Variants in RALGAPA1 observed in about 807,000 individuals in gnomAD.
The protein encoded by RALGAPA1 is ral GTPase-activating protein subunit alpha-1.
A neutral mutation model predicts 269.6 loss-of-function variants in RALGAPA1; 52 were observed. The ratio of observed to expected loss-of-function variants is 0.19; its 90% CI spans 0.15 to 0.24. The LOEUF is 0.24. Among genes scored for constraint, RALGAPA1 ranks in the 10% least tolerant of loss-of-function variants. RALGAPA1 has a pLI of 1.00. For synonymous variants in RALGAPA1, 817 were observed against 1,008.3 expected, an observed-to-expected ratio of 0.81 and a Z score of 3.60; for missense variants, 1,917 against 3,013.9, an observed-to-expected ratio of 0.64 and a Z score of 8.52.
At chr14:35,736,404 G>A (rs1350500997) in intron 12 of RALGAPA1, among the ~76,000 whole-genome samples, 1 of 152,154 alleles carries the variant, frequency 6.6e-6, no homozygotes, top group Non-Finnish European at 1.5e-5. Context: ...AAAATCTGAA[G>A]CTGTAGCATA....
chr14:35,793,628 T>A (rs868477420), intron 1 of RALGAPA1, among the ~76,000 whole-genome samples: 97 of 152,044 alleles, frequency 6.4e-4, no homozygotes, highest in Middle Eastern at 6.8e-3. Context: ...AATTTAGAAT[T>A]AAAAAAATGT....
At position 35,625,354 on chromosome 14, in the gene RALGAPA1, A is replaced by C; in HGVS notation, c.6929+7T>G. ...GCTAGTTATGTGAAGATTTTCCAAC[A>C]ACTTACCACTGCCTTGAATCCAAGT... On this transcript the variant is annotated splice_region_variant and intron_variant, in intron 35 of 41. Transcript: ENST00000680220. The C allele has an allele frequency of 6.2e-7, 1 of 1,602,144 alleles. No homozygotes were observed.
intron 41 of RALGAPA1, 103 bp from the exon 42 acceptor site, chr14:35,539,793 A>G: frequency 6.0e-6 from 9 of 1,503,014 alleles, no homozygotes; most frequent in South Asian, 1.3e-5. Context: ...ATCCCTTAAT[A>G]AGATCTTTCG....
intron 36 of RALGAPA1, among the ~76,000 whole-genome samples, chr14:35,596,922 T>C (rs893873786): frequency 9.8e-5 from 15 of 152,304 alleles, no homozygotes; most frequent in African/African-American, 3.6e-4. Context: ...AGTACATGCA[T>C]ATAAAACATT....
At chr14:35,654,134 G>T (rs1045771184) in intron 30 of RALGAPA1, among the ~76,000 whole-genome samples, 50 of 152,132 alleles carry the variant, frequency 3.3e-4, no homozygotes, top group Non-Finnish European at 7.4e-5. Flanking sequence ...CACCAGGCTG[G>T]CCTAATAAAT....
intron 14 of RALGAPA1, 67 bp from the exon 15 acceptor site, chr14:35,723,331 C>G (rs931166764): frequency 3.5e-6 from 3 of 856,308 alleles, no homozygotes; most frequent in Non-Finnish European, 5.4e-6. Context: ...ATCAGACATT[C>G]AATTCTTAAA....
chr14:35,752,043 A>T lies in RALGAPA1; in HGVS notation c.783T>A (p.Ser261Arg). ...YIFPNICKEN[S>R]LYHPILDIPQ... Reference sequence around the variant, plus strand: ...ACCTACCAAGTATAGGATGATATAAACTGTTTTCCTTACAGATGTTTGGAA... The same window carrying T: ...ACCTACCAAGTATAGGATGATATAATCTGTTTTCCTTACAGATGTTTGGAA... Residue 261 changes from serine (S) to arginine (R), a missense_variant, in exon 8 of 42, where the codon AGT becomes AGA. Ser to Arg is a moderately radical substitution (Grantham distance 110). Around this residue, in one of 11 missense-constraint regions of RALGAPA1, gnomAD observed 462 missense variants for 725.6 expected, o/e 0.64. Coordinates refer to ENST00000680220, the MANE Select transcript of RALGAPA1 (RefSeq NM_001346249.2). The T allele has an allele frequency of 6.3e-7, 1 of 1,582,664 alleles. No individual in the cohort carries two copies. Among genetic ancestry groups the T allele is most frequent in the Non-Finnish European group, 8.5e-7 (1 of 1,169,632 alleles).
chr14:35,795,690 G>A (rs2076507481), intron 1 of RALGAPA1, among the ~76,000 whole-genome samples: 1 of 151,752 alleles, frequency 6.6e-6, no homozygotes, highest in Admixed American at 6.6e-5. Context: ...AGAATTTATA[G>A]GTGGCCACAC....
At chr14:35,776,966 G>A (rs2075081319) in intron 1 of RALGAPA1, among the ~76,000 whole-genome samples, 1 of 151,892 alleles carries the variant, frequency 6.6e-6, no homozygotes, top group Non-Finnish European at 1.5e-5. Flanking sequence ...CCAGATTGGA[G>A]AACTGTAGTT....
intron 37 of RALGAPA1, among the ~76,000 whole-genome samples, chr14:35,591,288 C>CTATGTATGTATG (rs371005322): frequency 3.7e-4 from 55 of 150,056 alleles, no homozygotes; most frequent in African/African-American, 7.7e-4. Flanking sequence ...ATTTTAAGTG[C>CTATGTATGTATG]TATGTATGTA....
Position 35,767,738 on chromosome 14 carries a change from C to A in RALGAPA1, c.325+3204G>T, listed in dbSNP as rs923619632. Among the ~76,000 whole-genome samples the A allele has an allele frequency of 1.2e-4, 19 of 152,004 alleles. 1 individual carries two copies. The highest frequency in any genetic ancestry group is 8.5e-4 in the Admixed American group (13 of 15,244). On this transcript the variant is annotated intron_variant, in intron 4 of 41. Coordinates refer to ENST00000680220, the MANE Select transcript of RALGAPA1 (RefSeq NM_001346249.2). Reference sequence around the variant, plus strand: ...CCTAGAAACAGAAGAGTAAATTAAACCCAAAGGAAGCAGAATTTCTCTCTT... The same window carrying A: ...CCTAGAAACAGAAGAGTAAATTAAAACCAAAGGAAGCAGAATTTCTCTCTT...
chr14:35,731,359 G>A lies in RALGAPA1; in HGVS notation c.1588-2849C>T, dbSNP rs111308626. Among the ~76,000 whole-genome samples the A allele has an allele frequency of 4.7e-4, 72 of 152,056 alleles. 2 individuals are homozygous for A. Among genetic ancestry groups the A allele is most frequent in the African/African-American group, 1.5e-3 (61 of 41,524 alleles). Reference sequence around the variant, plus strand: ...ACCCCCAAGAATCACATTAGCTCACGAGCAATGGATCCAAACCAGGAATAA... The same window carrying A: ...ACCCCCAAGAATCACATTAGCTCACAAGCAATGGATCCAAACCAGGAATAA... On this transcript the variant is annotated intron_variant, in intron 12 of 41. Coordinates refer to ENST00000680220, the MANE Select transcript of RALGAPA1 (RefSeq NM_001346249.2).
At chr14:35,802,269 C>T (rs1310007981) in intron 1 of RALGAPA1, among the ~76,000 whole-genome samples, 7 of 152,124 alleles carry the variant, frequency 4.6e-5, no homozygotes, top group Non-Finnish European at 8.8e-5. Flanking sequence ...GATCATGCCA[C>T]TGCACTCCAG....
Position 35,760,949 on chromosome 14 carries a change from A to G in RALGAPA1, c.427T>C (p.Cys143Arg). 2 of 1,611,440 alleles carry G rather than the reference A, an allele frequency of 1.2e-6. No individual in the cohort carries two copies. Among genetic ancestry groups the G allele is most frequent in the Non-Finnish European group, 1.7e-6 (2 of 1,178,074 alleles). Residue 143 changes from cysteine to arginine, a missense_variant, in exon 6 of 42, where the codon TGT becomes CGT. Transcript: ENST00000680220. ...AACATCCAGAGCTGTTCTTTGCTAC[A>G]GTTATTCTGAAGAGCTTGCAACCAT... ...LLWLQALQNN[C>R]SKEQLWMFSC...
chr14:35,538,737 TTTC>T lies in RALGAPA1; in HGVS notation c.*974_*976del, dbSNP rs2053722478. On this transcript the variant is annotated 3_prime_UTR_variant, in exon 42 of 42. Coordinates refer to ENST00000680220, the MANE Select transcript of RALGAPA1 (RefSeq NM_001346249.2). ...ATTTATATCAGAAAATTTTCCTTCT[TTTC>T]TTCCCCATCTTCTTTTTGGTGCTTA... 6.6e-6 allele frequency: 1 copy of T among 151,724 alleles called. No individual in the cohort carries two copies. Among genetic ancestry groups the T allele is most frequent in the Non-Finnish European group, 1.5e-5 (1 of 67,968 alleles). The allele number at this position is 151,724 out of a possible 1,614,324, so 9.4% of individuals were successfully genotyped here. A position where few individuals can be genotyped will look rare whatever the true frequency, so the allele number is the denominator to read the frequency against.
intron 14 of RALGAPA1, 178 bp from the exon 15 acceptor site, chr14:35,723,442 A>G (rs989696736): frequency 4.4e-6 from 2 of 456,992 alleles, no homozygotes; most frequent in African/African-American, 4.0e-5. Flanking sequence ...ATCTACTATA[A>G]ATTTCATTTC....
At chr14:35,591,593 T>C (rs1252605074) in intron 37 of RALGAPA1, among the ~76,000 whole-genome samples, 8 of 152,172 alleles carry the variant, frequency 5.3e-5, no homozygotes, top group African/African-American at 1.9e-4. Context: ...ATTACAGGCA[T>C]AAGCAAGCCA....
At chr14:35,679,379 C>T (rs1175926545) in intron 21 of RALGAPA1, among the ~76,000 whole-genome samples, 1 of 152,228 alleles carries the variant, frequency 6.6e-6, no homozygotes, top group Admixed American at 6.5e-5. Context: ...AAGAAACTCA[C>T]TGTAAATTGA....
chr14:35,731,324 G>C (rs1414832194), intron 12 of RALGAPA1, among the ~76,000 whole-genome samples: 1 of 152,024 alleles, frequency 6.6e-6, no homozygotes, highest in East Asian at 1.9e-4. Context: ...ACAAAACAAG[G>C]CTCTTTAACA....
Sources: allele counts gnomAD v4.1 joint callset (sites outside exome capture counted in the v4.1 genomes callset), GRCh38; gene constraint gnomAD v4.1.1; regional missense constraint gnomAD v4.1.1; transcripts MANE v1.5; gene names NCBI Gene and HGNC (gene_info 2026-07-23, HGNC 2026-07-21).